The following CACNB1 variants were observed in gnomAD, a reference collection of about 807,000 sequenced individuals.
The protein encoded by CACNB1 is calcium voltage-gated channel auxiliary subunit beta 1.
Under a neutral mutation model 71.6 loss-of-function variants are expected in CACNB1, and 29 were observed. The ratio of observed to expected loss-of-function variants is 0.40; its 90% CI spans 0.30 to 0.55. CACNB1 has a LOEUF of 0.55. Among genes scored for constraint, CACNB1 ranks in the 20% least tolerant of loss-of-function variants. CACNB1 has a pLI of 0.38. For synonymous variants in CACNB1, 300 were observed against 319.6 expected (o/e 0.94, Z 0.65); for missense variants, 623 against 801.8 (o/e 0.78, Z 2.69).
In CACNB1 at chr17:39,186,092, G is replaced by C; in HGVS notation, c.628+404C>G. 4.3e-6 allele frequency: 7 copies of C among 1,613,894 alleles called. No individual in the cohort carries two copies. The South Asian group carries it at 5.5e-5, about 13-fold the overall frequency. ...GGGGTCTAGTTCAAAGGCTAAGTTA[G>C]TCATTTCATTACCTGGACCGGAGAG... On this transcript the variant is annotated intron_variant, in intron 6 of 13. Coordinates refer to ENST00000394303, the MANE Select transcript of CACNB1 (RefSeq NM_000723.5). This position sits in a 1 kb window ranked among gnomAD's most constrained non-coding sequence, Gnocchi z 4.1.
chr17:39,178,257 C>T, intron 11 of CACNB1, 178 bp from the exon 12 acceptor site: 1 of 579,956 alleles, frequency 1.7e-6, no homozygotes, highest in African/African-American at 1.9e-5. Context: ...CTGTGTCTAC[C>T]CTATGCAAAG....
chr17:39,175,959 G>A lies in CACNB1; in HGVS notation c.1333-302C>T, dbSNP rs2045568199. ...CATGAGTCACCGCTTCCTCAGTGCAGGTCATTAATGCTATCTTGGGGCTAA... is the reference window on the plus strand; with the variant it reads ...CATGAGTCACCGCTTCCTCAGTGCAAGTCATTAATGCTATCTTGGGGCTAA... On this transcript the variant is annotated intron_variant, in intron 13 of 13. Transcript: ENST00000394303. This position sits in a 1 kb window ranked among gnomAD's most constrained non-coding sequence, Gnocchi z 4.7. Among the ~76,000 whole-genome samples, 3 of 152,202 alleles carry A rather than the reference G, an allele frequency of 2.0e-5. No homozygotes were observed. In the South Asian group the frequency reaches 6.2e-4, roughly 31 times the overall value.
intron 4 of CACNB1, 93 bp from the exon 5 acceptor site, chr17:39,187,022 C>G: frequency 1.4e-6 from 2 of 1,399,316 alleles, no homozygotes; most frequent in Non-Finnish European, 2.0e-6. Context: ...CCCAGACTCA[C>G]CTCCCAGCCC....
chr17:39,184,864 T>C lies in CACNB1; in HGVS notation c.649A>G (p.Thr217Ala), dbSNP rs536762414. Residue 217 changes from threonine to alanine, a missense_variant and splice_region_variant, in exon 8 of 14, where the codon ACA becomes GCA. Physicochemically the swap from Thr to Ala is moderately conservative, Grantham distance 58. Coordinates refer to ENST00000394303, the MANE Select transcript of CACNB1 (RefSeq NM_000723.5). ...PASAKQKQKS[T>A]EHVPPYDVVP... ...ACGTCATAGGGGGGCACATGCTCTG[T>C]CTGGGGGGGGAAGCAGGGAGGGGAA... The C allele has an allele frequency of 3.2e-5, 32 of 989,970 alleles. 1 individual carries two copies. Among genetic ancestry groups the C allele is most frequent in the Non-Finnish European group, 3.8e-5 (24 of 632,816 alleles). The allele number at this position is 989,970 out of a possible 1,614,324, so 61.3% of individuals were successfully genotyped here.
chr17:39,195,118 G>A (rs989797756), intron 1 of CACNB1, 148 bp from the exon 2 acceptor site: 24 of 590,562 alleles, frequency 4.1e-5, no homozygotes, highest in African/African-American at 1.5e-4. Context: ...GAGGTGGTAC[G>A]ACCCAAGGGG....
rs571649752 is a variant in CACNB1, at chr17:39,174,983, C to T, written c.*210G>A. 260 of 585,984 alleles carry T rather than the reference C, an allele frequency of 4.4e-4. 1 individual carries two copies. The highest frequency in any genetic ancestry group is 2.7e-3 in the African/African-American group (144 of 53,682). The allele number at this position is 585,984 out of a possible 1,614,324, so 36.3% of individuals were successfully genotyped here. A position where few individuals can be genotyped will look rare whatever the true frequency, so the allele number is the denominator to read the frequency against. ...AAGGTGGGTATCCCCCATCCATCCA[C>T]AACAGGCAGGTAAAAACCGACAGCT... is the stretch of plus-strand genomic sequence containing the variant. On this transcript the variant is annotated 3_prime_UTR_variant, in exon 14 of 14. Transcript: ENST00000394303.
intron 11 of CACNB1, among the ~76,000 whole-genome samples, chr17:39,182,241 C>T (rs801234): frequency 0.68 from 101,780 of 150,368 alleles, 35,482 homozygotes; most frequent in African/African-American, 0.86. Context: ...GGCACAAGAA[C>T]CACTTGAACC....
chr17:39,179,370 C>T (rs754475073), intron 11 of CACNB1, among the ~76,000 whole-genome samples: 15 of 149,586 alleles, frequency 1.0e-4, no homozygotes, highest in South Asian at 6.4e-4. Flanking sequence ...GGGTGGATCA[C>T]GAGGTCAGGA....
Position 39,187,509 on chromosome 17 carries a change from G to A in CACNB1, c.384C>T (p.Phe128=), listed in dbSNP as rs768024285. 23 of 1,613,968 alleles carry A rather than the reference G, an allele frequency of 1.4e-5. No individual in the cohort carries two copies. The highest frequency in any genetic ancestry group is 3.3e-5 in the South Asian group (3 of 91,086). The part of the protein sequence containing the change: ...EVPVQGVAIT[F]EPKDFLHIKE... ...TGATGTGCAGGAAGTCTTTGGGCTC[G>A]AAGGTGATGGCCACTCCCTGCACAG... The change falls in exon 4 of 14, where the codon TTC becomes TTT. Residue 128 remains phenylalanine (F), a synonymous_variant. Transcript: ENST00000394303.
intron 11 of CACNB1, among the ~76,000 whole-genome samples, chr17:39,179,796 C>A (rs2045702757): frequency 6.6e-6 from 1 of 151,928 alleles, no homozygotes; most frequent in Non-Finnish European, 1.5e-5. Flanking sequence ...GTAGTCCCAG[C>A]TACTCACGAG....
At chr17:39,180,522 G>T (rs1299649583) in intron 11 of CACNB1, among the ~76,000 whole-genome samples, 1 of 151,784 alleles carries the variant, frequency 6.6e-6, no homozygotes, top group African/African-American at 2.4e-5. Context: ...AGGTGTGGTG[G>T]TGGGCGCCTG....
Position 39,186,420 on chromosome 17 carries a change from A to C in CACNB1, c.628+76T>G. The C allele has an allele frequency of 9.4e-7, 1 of 1,061,314 alleles. No individual in the cohort carries two copies. Among genetic ancestry groups the C allele is most frequent in the Non-Finnish European group, 1.4e-6 (1 of 711,100 alleles). 65.7% of individuals were successfully genotyped at this position (1,061,314 alleles called of 1,614,324 possible). On this transcript the variant is annotated intron_variant, in intron 6 of 13. Transcript: ENST00000394303. The surrounding 1 kb of genome is among the most constrained non-coding windows in gnomAD (Gnocchi z 4.1). ...TTGGGGTGTTTCCTACTGCAGGGAA[A>C]GGAGGATTCAGGGAGTGGGGAGACC...
At position 39,183,873 on chromosome 17, in the gene CACNB1, A is replaced by G. The variant is rs780960242; in HGVS notation, c.899-9T>C. 1.2e-5 allele frequency: 20 copies of G among 1,610,814 alleles called. No individual in the cohort carries two copies. Among genetic ancestry groups the G allele is most frequent in the East Asian group, 2.2e-5 (1 of 44,840 alleles). On this transcript the variant is annotated splice_polypyrimidine_tract_variant and intron_variant, in intron 10 of 13. Coordinates refer to ENST00000394303, the MANE Select transcript of CACNB1 (RefSeq NM_000723.5). ...TTCACTCTGCACCTCAGCTGGGGGCATGGAGTCATGTGGATGGGGGAATGT... is the reference window on the plus strand; with the variant it reads ...TTCACTCTGCACCTCAGCTGGGGGCGTGGAGTCATGTGGATGGGGGAATGT...
At chr17:39,187,091 A>G (rs2144143478) in intron 4 of CACNB1, 162 bp from the exon 5 acceptor site, 1 of 707,378 alleles carries the variant, frequency 1.4e-6, no homozygotes, top group East Asian at 2.7e-5. Context: ...GGAGCTGCCA[A>G]TTCTCAGGAC....
At chr17:39,190,665 T>C (rs1214485625) in intron 3 of CACNB1, among the ~76,000 whole-genome samples, 1 of 151,570 alleles carries the variant, frequency 6.6e-6, no homozygotes, top group East Asian at 2.0e-4. Flanking sequence ...TGACCTCAAG[T>C]GATCCGCCCA....
intron 3 of CACNB1, among the ~76,000 whole-genome samples, chr17:39,189,896 G>A (rs1039085906): frequency 6.7e-6 from 1 of 150,344 alleles, no homozygotes; most frequent in African/African-American, 2.4e-5. Flanking sequence ...CAGATCACCA[G>A]GTCAGGAGTT....
At chr17:39,177,928 C>G in intron 12 of CACNB1, 56 bp downstream of exon 12, 2 of 1,405,882 alleles carry the variant, frequency 1.4e-6, no homozygotes, top group South Asian at 2.3e-5. Context: ...CCAGAGGAAA[C>G]CAGGACAACC....
rs921018468 is a variant in CACNB1 at position 39,186,375 on chromosome 17, T to A, written c.628+121A>T. On this transcript the variant is annotated intron_variant, in intron 6 of 13. Transcript: ENST00000394303. The surrounding 1 kb of genome is among the most constrained non-coding windows in gnomAD (Gnocchi z 4.1). ...TCTTCATGGAGGGGGAACCACTGCA[T>A]GTGCTTGGGGGACTCAGGATTGGGG... 1.4e-6 allele frequency: 1 copy of A among 723,134 alleles called. No individual in the cohort carries two copies. Among genetic ancestry groups the A allele is most frequent in the Non-Finnish European group, 2.3e-6 (1 of 429,506 alleles). 44.8% of individuals were successfully genotyped at this position (723,134 alleles called of 1,614,324 possible).
At chr17:39,185,556 G>GCCACC (rs546943299) in intron 6 of CACNB1, among the ~76,000 whole-genome samples, 3 of 149,838 alleles carry the variant, frequency 2.0e-5, no homozygotes, top group African/African-American at 7.4e-5. Flanking sequence ...GCAGCCAGCA[G>GCCACC]CCCCCCCCCA....
Sources: gnomAD v4.1 joint callset for allele counts (sites outside exome capture counted in the v4.1 genomes callset) on GRCh38, gnomAD v4.1.1 for gene constraint, Gnocchi (gnomAD v3.1) non-coding constraint, MANE v1.5 for transcripts, NCBI Gene and HGNC (gene_info 2026-07-23, HGNC 2026-07-21) for gene names.